CCSER1: variants seen among roughly 807,000 people sequenced by gnomAD.
CCSER1 encodes the protein serine-rich coiled-coil domain-containing protein 1.
Under a neutral mutation model 82.0 loss-of-function variants are expected in CCSER1, and 41 were observed. The observed-to-expected ratio is 0.50, with a 90% CI of 0.39 to 0.65. CCSER1 has a LOEUF of 0.65. Ranked by LOEUF, CCSER1 falls within the 30% of genes least tolerant of loss-of-function variation. CCSER1 has a pLI of 0.00. For missense variants in CCSER1, 1,119 were observed against 1,064.2 expected (o/e 1.05, Z -0.72); for synonymous variants, 414 against 383.9 (o/e 1.08, Z -0.92).
At chr4:91,005,185 TGACAAGAGTTAACACAA>T (rs1738391661) in intron 9 of CCSER1, among the ~76,000 whole-genome samples, 1 of 152,194 alleles carries the variant, frequency 6.6e-6, no homozygotes, top group East Asian at 1.9e-4. Context: ...CCTTGACTTG[TGACAAGAGTTAACACAA>T]GAGTCTTTTT....
intron 6 of CCSER1, among the ~76,000 whole-genome samples, chr4:90,649,310 A>G (rs970243206): frequency 1.2e-4 from 18 of 152,178 alleles, no homozygotes; most frequent in Non-Finnish European, 1.9e-4. Flanking sequence ...AAAAATTGGA[A>G]ATGAAGAGAT....
chr4:91,414,445 A>G (rs958597619), intron 10 of CCSER1, among the ~76,000 whole-genome samples: 3 of 152,162 alleles, frequency 2.0e-5, no homozygotes, highest in African/African-American at 4.8e-5. Flanking sequence ...AAAGAGAAGC[A>G]TATCATTTCA....
At chr4:90,482,641 T>A (rs1437252361) in intron 5 of CCSER1, among the ~76,000 whole-genome samples, 1 of 152,242 alleles carries the variant, frequency 6.6e-6, no homozygotes, top group Non-Finnish European at 1.5e-5. Flanking sequence ...CCAGTAGTCA[T>A]TCAGGAGCAG....
At chr4:90,707,686 T>C (rs895099543) in intron 6 of CCSER1, among the ~76,000 whole-genome samples, 23 of 152,078 alleles carry the variant, frequency 1.5e-4, no homozygotes, top group African/African-American at 5.3e-4. Context: ...AGTGTCTTTG[T>C]AATGGTGCAT....
intron 9 of CCSER1, among the ~76,000 whole-genome samples, chr4:90,934,567 C>G (rs535003705): frequency 4.0e-4 from 61 of 152,230 alleles, no homozygotes; most frequent in African/African-American, 1.5e-3. Flanking sequence ...AAAAATCAGA[C>G]AAAATCCAAA....
rs144343169 is a variant in CCSER1 at position 91,328,716 on chromosome 4, A to C, written c.2217+242722A>C. On this transcript the variant is annotated intron_variant, in intron 10 of 10. Coordinates refer to ENST00000509176, the MANE Select transcript of CCSER1 (RefSeq NM_001145065.2). ...AATAAAACACTTTTGGCACCTGGGA[A>C]TGTAGACACAATGCATATTTATTTT... Among the ~76,000 whole-genome samples, 75 of 152,340 alleles carry C rather than the reference A, an allele frequency of 4.9e-4. No individual in the cohort carries two copies. The East Asian group carries it at 0.013, about 27-fold the overall frequency.
intron 10 of CCSER1, among the ~76,000 whole-genome samples, chr4:91,138,963 A>G (rs1482295863): frequency 6.6e-6 from 1 of 152,162 alleles, no homozygotes; most frequent in Admixed American, 6.6e-5. Flanking sequence ...GGTTTGGGCT[A>G]TGAATGATCT....
chr4:91,360,109 C>G (rs1185609367), intron 10 of CCSER1, among the ~76,000 whole-genome samples: 1 of 151,686 alleles, frequency 6.6e-6, no homozygotes. Context: ...GGTAGTGTGG[C>G]ACCATATAGT....
chr4:90,774,847 C>A (rs1446879321), intron 7 of CCSER1, among the ~76,000 whole-genome samples: 1 of 152,012 alleles, frequency 6.6e-6, no homozygotes, highest in Admixed American at 6.6e-5. Flanking sequence ...TTATAATAAG[C>A]TCATTAATCT....
intron 5 of CCSER1, among the ~76,000 whole-genome samples, chr4:90,484,329 A>T (rs1766618564): frequency 6.6e-6 from 1 of 152,050 alleles, no homozygotes; most frequent in Non-Finnish European, 1.5e-5. Context: ...TTCCTCCTTT[A>T]GCTCGGAGTA....
At chr4:90,323,657 T>C (rs1737582191) in intron 3 of CCSER1, among the ~76,000 whole-genome samples, 1 of 151,960 alleles carries the variant, frequency 6.6e-6, no homozygotes, top group African/African-American at 2.4e-5. Flanking sequence ...GTCTTTCCTA[T>C]CCTCTTTTTT....
intron 1 of CCSER1, among the ~76,000 whole-genome samples, chr4:90,205,412 A>T (rs1217144923): frequency 6.6e-6 from 1 of 152,156 alleles, no homozygotes. Flanking sequence ...AGGGGTGTTG[A>T]AGCAGAAAGG....
intron 5 of CCSER1, among the ~76,000 whole-genome samples, chr4:90,583,763 T>TA (rs140582946): frequency 0.02 from 2,970 of 152,088 alleles, 94 homozygotes; most frequent in African/African-American, 0.068. Context: ...AACAAGAGGT[T>TA]AAAAATCAAC....
intron 9 of CCSER1, among the ~76,000 whole-genome samples, chr4:90,983,848 T>G (rs1308965220): frequency 6.6e-6 from 1 of 151,784 alleles, no homozygotes; most frequent in Non-Finnish European, 1.5e-5. Flanking sequence ...TCTATTATAC[T>G]CATTTGCCTG....
chr4:91,421,151 T>C (rs1048844162), intron 10 of CCSER1, among the ~76,000 whole-genome samples: 2 of 152,244 alleles, frequency 1.3e-5, no homozygotes, highest in South Asian at 2.1e-4. Context: ...GCATGGGTGG[T>C]GTGTTAGCCA....
chr4:90,615,248 C>T (rs1013241832), intron 5 of CCSER1, among the ~76,000 whole-genome samples: 2 of 152,150 alleles, frequency 1.3e-5, no homozygotes, highest in Non-Finnish European at 2.9e-5. Flanking sequence ...AAGTTGTTTT[C>T]ATGCCGTCTA....
At chr4:91,321,189 C>T (rs1341990487) in intron 10 of CCSER1, among the ~76,000 whole-genome samples, 1 of 152,038 alleles carries the variant, frequency 6.6e-6, no homozygotes, top group Non-Finnish European at 1.5e-5. Flanking sequence ...CAGTCTTTTT[C>T]AATTCAGGCT....
chr4:90,994,500 A>G (rs1186122039), intron 9 of CCSER1, among the ~76,000 whole-genome samples: 1 of 152,128 alleles, frequency 6.6e-6, no homozygotes, highest in African/African-American at 2.4e-5. Flanking sequence ...AAAGTAAAAA[A>G]AAAAATCATA....
chr4:90,520,238 A>G (rs1772904783), intron 5 of CCSER1, among the ~76,000 whole-genome samples: 1 of 151,552 alleles, frequency 6.6e-6, no homozygotes, highest in South Asian at 2.1e-4. Flanking sequence ...ATGATATGAA[A>G]TTTATAATTG....
Sources: gnomAD v4.1 joint callset for allele counts (sites outside exome capture counted in the v4.1 genomes callset) on GRCh38, gnomAD v4.1.1 for gene constraint, MANE v1.5 for transcripts, NCBI Gene and HGNC (gene_info 2026-07-23, HGNC 2026-07-21) for gene names.